Variants in COL25A1 observed in about 807,000 individuals in gnomAD.
COL25A1 encodes the protein collagen type XXV alpha 1 chain, also known as collagen alpha-1(XXV) chain.
A neutral mutation model predicts 128.4 loss-of-function variants in COL25A1; 103 were observed. That is an observed-to-expected ratio of 0.80 (90% CI 0.68 to 0.94). The LOEUF (loss-of-function observed/expected upper bound fraction) is 0.94. COL25A1 is among the 40% of genes least tolerant of loss of function. The pLI is 0.00. For missense variants in COL25A1, 745 were observed against 840.0 expected (o/e 0.89, Z 1.40); for synonymous variants, 279 against 277.2 (o/e 1.01, Z -0.06).
rs192769482 is a variant in COL25A1, at chr4:109,196,618, G to A, written c.367+103965C>T. The stretch of plus-strand genomic sequence containing the variant: ...AAAGGTTTTATTTTTCATTTGTCCA[G>A]CTAAAATTTAGTGCAGCTCAGTGTA... On this transcript the variant is annotated intron_variant, in intron 3 of 37. Transcript: ENST00000399132. 1.2e-4 allele frequency among the ~76,000 whole-genome samples: 19 copies of A among 152,204 alleles called. No homozygotes were observed. In the East Asian group the frequency reaches 3.5e-3, roughly 28 times the overall value.
At position 109,022,620 on chromosome 4, in the gene COL25A1, A is replaced by C. The variant is rs139510279; in HGVS notation, c.421-12245T>G. On this transcript the variant is annotated intron_variant, in intron 5 of 37. Coordinates refer to ENST00000399132, the MANE Select transcript of COL25A1 (RefSeq NM_198721.4). ...TTCCAACACTTGAAAATGCATCATA[A>C]TTTTCATAATATGAAGGTCTGTGGT... 4.8e-3 allele frequency among the ~76,000 whole-genome samples: 737 copies of C among 152,272 alleles called. 5 individuals carry two copies. The highest frequency in any genetic ancestry group is 0.017 in the African/African-American group (721 of 41,544).
chr4:109,126,882 A>C (rs1297174418), intron 3 of COL25A1, among the ~76,000 whole-genome samples: 2 of 151,810 alleles, frequency 1.3e-5, no homozygotes, highest in African/African-American at 4.8e-5. Flanking sequence ...CATTGTGCAC[A>C]TGTACCCTAA....
Position 109,294,193 on chromosome 4 carries a change from G to A in COL25A1, c.367+6390C>T, listed in dbSNP as rs563238250. Reference sequence around the variant, plus strand: ...GAAGGAGGCAGAAGAGAGGAAGTACGCTATTCAGCTCAGTTCCTCCTCCTA... The same window carrying A: ...GAAGGAGGCAGAAGAGAGGAAGTACACTATTCAGCTCAGTTCCTCCTCCTA... On this transcript the variant is annotated intron_variant, in intron 3 of 37. Coordinates refer to ENST00000399132, the MANE Select transcript of COL25A1 (RefSeq NM_198721.4). 5.3e-5 allele frequency among the ~76,000 whole-genome samples: 8 copies of A among 152,192 alleles called. No individual in the cohort carries two copies. The South Asian group carries it at 6.2e-4, about 12-fold the overall frequency.
chr4:109,227,397 C>T (rs6833394), intron 3 of COL25A1, among the ~76,000 whole-genome samples: 58,877 of 151,992 alleles, frequency 0.39, 12,675 homozygotes, highest in African/African-American at 0.57. Context: ...TAGTCGTACA[C>T]GACTGAATAA....
intron 3 of COL25A1, among the ~76,000 whole-genome samples, chr4:109,252,278 C>T (rs183981746): frequency 7.9e-5 from 12 of 152,306 alleles, no homozygotes; most frequent in African/African-American, 2.6e-4. Context: ...TGGCGAATGG[C>T]GCCATATCAG....
Position 108,984,012 on chromosome 4 carries a change from G to A in COL25A1, c.439-9453C>T, listed in dbSNP as rs193116771. On this transcript the variant is annotated intron_variant, in intron 6 of 37. Coordinates refer to ENST00000399132, the MANE Select transcript of COL25A1 (RefSeq NM_198721.4). Reference sequence around the variant, plus strand: ...CCCACATCCTGCTGATTGGTAGAGCGGAGTGGTCTGTTTTGACAGGGCGCT... The same window carrying A: ...CCCACATCCTGCTGATTGGTAGAGCAGAGTGGTCTGTTTTGACAGGGCGCT... Among the ~76,000 whole-genome samples, 718 of 152,202 alleles carry A rather than the reference G, an allele frequency of 4.7e-3. 5 individuals are homozygous for A. Among genetic ancestry groups the A allele is most frequent in the African/African-American group, 0.017 (695 of 41,546 alleles).
intron 3 of COL25A1, among the ~76,000 whole-genome samples, chr4:109,106,554 C>T (rs1428951441): frequency 1.3e-5 from 2 of 151,576 alleles, no homozygotes; most frequent in Admixed American, 1.3e-4. Context: ...TCAGCTATCT[C>T]AGAAACTTAA....
At chr4:108,904,708 A>T (rs1047085543) in intron 13 of COL25A1, among the ~76,000 whole-genome samples, 1 of 152,102 alleles carries the variant, frequency 6.6e-6, no homozygotes, top group Non-Finnish European at 1.5e-5. Flanking sequence ...TTTCATACTT[A>T]AAACACTGAG....
At chr4:109,151,061 T>G (rs1771451426) in intron 3 of COL25A1, among the ~76,000 whole-genome samples, 1 of 152,162 alleles carries the variant, frequency 6.6e-6, no homozygotes, top group Non-Finnish European at 1.5e-5. Flanking sequence ...GGTCTTCAAC[T>G]GCGTAAAAGT....
At chr4:109,167,679 C>T (rs1042784290) in intron 3 of COL25A1, among the ~76,000 whole-genome samples, 1 of 152,068 alleles carries the variant, frequency 6.6e-6, no homozygotes, top group Admixed American at 6.6e-5. Flanking sequence ...ACTTCATGTA[C>T]ATTAGCTTGG....
At chr4:109,236,664 A>G (rs1779499822) in intron 3 of COL25A1, among the ~76,000 whole-genome samples, 1 of 152,144 alleles carries the variant, frequency 6.6e-6, no homozygotes, top group Admixed American at 6.6e-5. Context: ...AGTCTCCTCC[A>G]AAAATTAATT....
At chr4:109,187,870 A>C (rs1455278609) in intron 3 of COL25A1, among the ~76,000 whole-genome samples, 1 of 152,186 alleles carries the variant, frequency 6.6e-6, no homozygotes, top group Admixed American at 6.6e-5. Context: ...TTAAATTAAA[A>C]TAAAAACCCT....
chr4:109,264,004 CTG>C (rs1377170969), intron 3 of COL25A1, among the ~76,000 whole-genome samples: 2 of 152,164 alleles, frequency 1.3e-5, no homozygotes, highest in Non-Finnish European at 2.9e-5. Flanking sequence ...AACAGACAAA[CTG>C]TATAACAAGA....
At chr4:109,218,367 T>TTTTTG (rs1560887297) in intron 3 of COL25A1, among the ~76,000 whole-genome samples, 7 of 128,380 alleles carry the variant, frequency 5.5e-5, no homozygotes, top group East Asian at 2.1e-4. Flanking sequence ...GTTTTTTTTT[T>TTTTTG]TTTTTTTTTT....
In COL25A1 at chr4:108,845,181, G is replaced by A. The variant is rs1326235507; in HGVS notation, c.1578+8C>T. 3 of 1,611,522 alleles carry A rather than the reference G, an allele frequency of 1.9e-6. No homozygotes were observed. Among genetic ancestry groups the A allele is most frequent in the East Asian group, 2.2e-5 (1 of 44,862 alleles). ...GGAACAATGGAAGTTCAGCCACCAT[G>A]GACTTACAGAAGGACCCTGTGGACC... On this transcript the variant is annotated splice_region_variant and intron_variant, in intron 29 of 37. Transcript: ENST00000399132.
At chr4:109,124,977 A>T (rs1454070899) in intron 3 of COL25A1, among the ~76,000 whole-genome samples, 1 of 152,064 alleles carries the variant, frequency 6.6e-6, no homozygotes, top group Non-Finnish European at 1.5e-5. Flanking sequence ...TGTCATGGTA[A>T]CTTAATATTA....
At position 109,199,782 on chromosome 4, in the gene COL25A1, G is replaced by A. The variant is rs545389303; in HGVS notation, c.367+100801C>T. Among the ~76,000 whole-genome samples the A allele has an allele frequency of 2.2e-3, 342 of 152,252 alleles. 1 individual carries two copies. Among genetic ancestry groups the A allele is most frequent in the African/African-American group, 7.6e-3 (314 of 41,546 alleles). The stretch of plus-strand genomic sequence containing the variant: ...TCAACGAAGTCACTTGGGATTGGAA[G>A]CATTAAAAGGTAGTGTGTAATTTAC... On this transcript the variant is annotated intron_variant, in intron 3 of 37. Coordinates refer to ENST00000399132, the MANE Select transcript of COL25A1 (RefSeq NM_198721.4).
At chr4:108,824,263 G>C in intron 34 of COL25A1, 36 bp from the exon 35 acceptor site, 2 of 1,431,580 alleles carry the variant, frequency 1.4e-6, no homozygotes, top group Non-Finnish European at 1.9e-6. Context: ...AGATCTATTG[G>C]TGTAATAGTG....
chr4:108,823,836 A>G (rs1560701746), intron 35 of COL25A1: 4 of 1,058,052 alleles, frequency 3.8e-6, no homozygotes, highest in Non-Finnish European at 3.7e-6. Context: ...GCCAAATACT[A>G]CTGCAGATTT....
Sources: allele counts gnomAD v4.1 joint callset (sites outside exome capture counted in the v4.1 genomes callset), GRCh38; gene constraint gnomAD v4.1.1; transcripts MANE v1.5; gene names NCBI Gene and HGNC (gene_info 2026-07-23, HGNC 2026-07-21).